Variants in DENND5B observed in about 807,000 individuals in gnomAD.
DENND5B encodes DENN domain containing 5B.
DENND5B carries 34 observed loss-of-function variants against 140.6 expected under a neutral mutation model. The observed-to-expected ratio is 0.24, with a 90% CI of 0.18 to 0.32. DENND5B has a LOEUF of 0.32. DENND5B is among the 10% of genes least tolerant of loss of function. The pLI is 1.00. For missense variants in DENND5B, 1,142 were observed against 1,560.2 expected, an observed-to-expected ratio of 0.73 and a Z score of 4.52; for synonymous variants, 551 against 562.1, an observed-to-expected ratio of 0.98 and a Z score of 0.28.
At chr12:31,506,286 T>C (rs970729265) in intron 1 of DENND5B, 8 of 151,276 alleles carry the variant, frequency 5.3e-5, no homozygotes, top group African/African-American at 2.0e-4. Flanking sequence ...TTTTAATTTA[T>C]TATTTATTTA....
intron 14 of DENND5B, among the ~76,000 whole-genome samples, chr12:31,403,896 CCAAAAAAAAAA>C (rs1270164073): frequency 2.5e-5 from 2 of 81,628 alleles, no homozygotes; most frequent in African/African-American, 4.9e-5. Flanking sequence ...AACTCCATCT[CCAAAAAAAAAA>C]AAAAAAAAAA....
At chr12:31,562,503 G>A (rs1378626222) in intron 1 of DENND5B, among the ~76,000 whole-genome samples, 1 of 151,986 alleles carries the variant, frequency 6.6e-6, no homozygotes, top group Non-Finnish European at 1.5e-5. Flanking sequence ...CCAGCTACCA[G>A]GTAGGGAGGC....
intron 7 of DENND5B, among the ~76,000 whole-genome samples, chr12:31,436,293 G>A (rs943630258): frequency 2.2e-4 from 33 of 151,706 alleles, no homozygotes; most frequent in African/African-American, 7.3e-4. Flanking sequence ...TAGAGACAGG[G>A]TTTCATTATG....
At chr12:31,490,632 T>C (rs1285879690) in intron 2 of DENND5B, among the ~76,000 whole-genome samples, 1 of 152,088 alleles carries the variant, frequency 6.6e-6, no homozygotes, top group Non-Finnish European at 1.5e-5. Flanking sequence ...AAAATTTTAT[T>C]GTGAGCTTGA....
chr12:31,429,348 A>G (rs1327612728), intron 8 of DENND5B, among the ~76,000 whole-genome samples: 3 of 152,214 alleles, frequency 2.0e-5, no homozygotes, highest in Non-Finnish European at 4.4e-5. Flanking sequence ...TTACCAGCAG[A>G]GAAGTCAAAT....
chr12:31,409,024 C>G (rs1593087371), intron 14 of DENND5B, among the ~76,000 whole-genome samples: 1 of 152,230 alleles, frequency 6.6e-6, no homozygotes, highest in African/African-American at 2.4e-5. Flanking sequence ...CTGGAACTGA[C>G]AGAAGGTATC....
chr12:31,538,407 T>C (rs1213290542), intron 1 of DENND5B, among the ~76,000 whole-genome samples: 1 of 151,882 alleles, frequency 6.6e-6, no homozygotes, highest in African/African-American at 2.4e-5. Context: ...AAACACAACA[T>C]ACGAAAAGCT....
chr12:31,421,997 T>G (rs887714145), intron 11 of DENND5B, among the ~76,000 whole-genome samples: 6 of 152,192 alleles, frequency 3.9e-5, no homozygotes, highest in African/African-American at 1.4e-4. Flanking sequence ...TCCAGGGCAA[T>G]GTAGTCAGCT....
chr12:31,488,540 T>A (rs1171573848), intron 2 of DENND5B, among the ~76,000 whole-genome samples: 2 of 152,136 alleles, frequency 1.3e-5, no homozygotes, highest in African/African-American at 2.4e-5. Context: ...ACAACAGATG[T>A]AAGAATTTTT....
chr12:31,557,639 T>C (rs1236627171), intron 1 of DENND5B, among the ~76,000 whole-genome samples: 1 of 151,878 alleles, frequency 6.6e-6, no homozygotes, highest in African/African-American at 2.4e-5. Context: ...AACGTACAAA[T>C]TCAAGGCATA....
At chr12:31,408,562 G>A (rs1952534206) in intron 14 of DENND5B, among the ~76,000 whole-genome samples, 1 of 148,920 alleles carries the variant, frequency 6.7e-6, no homozygotes, top group African/African-American at 2.5e-5. Context: ...AGGAGGTGGA[G>A]GCTGCGGTGA....
intron 1 of DENND5B, among the ~76,000 whole-genome samples, chr12:31,544,464 T>C (rs1393879562): frequency 6.6e-6 from 1 of 152,092 alleles, no homozygotes; most frequent in African/African-American, 2.4e-5. Flanking sequence ...ATTATTTTAT[T>C]TGTAGAGACG....
intron 1 of DENND5B, among the ~76,000 whole-genome samples, chr12:31,518,900 C>T (rs1947779108): frequency 6.6e-6 from 1 of 152,198 alleles, no homozygotes; most frequent in African/African-American, 2.4e-5. Context: ...GAGCCCTGCC[C>T]TAGAATTGTT....
chr12:31,409,979 A>T (rs1007248731), intron 13 of DENND5B, among the ~76,000 whole-genome samples: 2 of 152,220 alleles, frequency 1.3e-5, no homozygotes, highest in Non-Finnish European at 2.9e-5. Context: ...TCTTAGACAA[A>T]CACCTTTAAT....
At chr12:31,555,441 G>A (rs1259397) in intron 1 of DENND5B, among the ~76,000 whole-genome samples, 11,866 of 151,826 alleles carry the variant, frequency 0.078, 1,059 homozygotes, top group African/African-American at 0.22. Flanking sequence ...GTACCTGGCC[G>A]TGTGAGGTGT....
chr12:31,499,443 A>C (rs1174104673), intron 1 of DENND5B, among the ~76,000 whole-genome samples: 1 of 152,246 alleles, frequency 6.6e-6, no homozygotes, highest in East Asian at 1.9e-4. Context: ...AAGCAAATGA[A>C]GTCTTTATGA....
At chr12:31,494,202 A>ACCCAC (rs1591917903) in intron 2 of DENND5B, among the ~76,000 whole-genome samples, 1 of 63,408 alleles carries the variant, frequency 1.6e-5, no homozygotes, top group Non-Finnish European at 3.4e-5. Flanking sequence ...CCATCCATCC[A>ACCCAC]CCTACCTACC....
At chr12:31,571,899 G>A (rs568140318) in intron 1 of DENND5B, among the ~76,000 whole-genome samples, 5 of 152,246 alleles carry the variant, frequency 3.3e-5, no homozygotes, top group Non-Finnish European at 7.4e-5. Flanking sequence ...GAGAGCCACC[G>A]TACCCAGCCA....
chr12:31,401,988 T>A (rs952971182), intron 15 of DENND5B, among the ~76,000 whole-genome samples: 1 of 150,156 alleles, frequency 6.7e-6, no homozygotes, highest in African/African-American at 2.5e-5. Context: ...AGTAAGCAGA[T>A]GCTTGAACCC....
Sources: allele counts gnomAD v4.1 joint callset (sites outside exome capture counted in the v4.1 genomes callset), GRCh38; gene constraint gnomAD v4.1.1; transcripts MANE v1.5; gene names NCBI Gene and HGNC (gene_info 2026-07-23, HGNC 2026-07-21).